The following ZNG1B variants were observed in gnomAD, a reference collection of about 807,000 sequenced individuals.
ZNG1B encodes Zn regulated GTPase metalloprotein activator 1B.
At chr2:113,485,193 C>T in the ZNG1B span, among the ~76,000 whole-genome samples, 2 of 130,386 alleles carry the variant, frequency 1.5e-5, no homozygotes, top group Non-Finnish European at 1.6e-5. Context: ...TTTTTTTGAC[C>T]GGAAGAAGTA....
chr2:113,440,126 C>T, the ZNG1B span, among the ~76,000 whole-genome samples: 1 of 151,526 alleles, frequency 6.6e-6, no homozygotes, highest in Non-Finnish European at 1.5e-5. Flanking sequence ...CCTCGTGATC[C>T]GCCCGCCTCG....
the ZNG1B span, chr2:113,495,115 A>G: frequency 6.9e-7 from 1 of 1,451,012 alleles, no homozygotes; most frequent in Non-Finnish European, 9.1e-7. Flanking sequence ...TTCTCCTTTG[A>G]GCAGGGATTG....
At chr2:113,448,059 G>A in the ZNG1B span, among the ~76,000 whole-genome samples, 2 of 152,168 alleles carry the variant, frequency 1.3e-5, no homozygotes, top group Non-Finnish European at 2.9e-5. Flanking sequence ...CTTTCCAGAA[G>A]GTTTTCAATT....
chr2:113,454,356 T>G, the ZNG1B span, among the ~76,000 whole-genome samples: 1 of 152,176 alleles, frequency 6.6e-6, no homozygotes, highest in African/African-American at 2.4e-5. Context: ...TGATTTTGAT[T>G]ATGTGAAAAT....
the ZNG1B span, chr2:113,444,992 T>G: frequency 6.2e-7 from 1 of 1,610,740 alleles, no homozygotes; most frequent in Non-Finnish European, 8.5e-7. Context: ...TATTGAGAAT[T>G]TGATGCAAAA....
At chr2:113,470,876 T>C in the ZNG1B span, 1 of 671,650 alleles carries the variant, frequency 1.5e-6, no homozygotes, top group Non-Finnish European at 2.5e-6. Context: ...CAAATAATTT[T>C]CAATCTTGAT....
At chr2:113,438,118 A>C in the ZNG1B span, 2 of 1,606,278 alleles carry the variant, frequency 1.2e-6, no homozygotes, top group Non-Finnish European at 1.7e-6. Context: ...TTGGGGCCTC[A>C]TGATCAAGAG....
At chr2:113,471,001 C>T in the ZNG1B span, 2 of 1,579,934 alleles carry the variant, frequency 1.3e-6, no homozygotes, top group Non-Finnish European at 1.7e-6. Context: ...CACAGAATTT[C>T]CAACTGCTCA....
chr2:113,490,648 T>G, the ZNG1B span, among the ~76,000 whole-genome samples: 1 of 152,030 alleles, frequency 6.6e-6, no homozygotes, highest in Non-Finnish European at 1.5e-5. Context: ...AAACGGGAGA[T>G]ATTACAACTG....
chr2:113,454,764 A>G, the ZNG1B span: 2 of 1,575,656 alleles, frequency 1.3e-6, no homozygotes, highest in Admixed American at 1.7e-5. Flanking sequence ...AGTGGATTCA[A>G]AATATGGATT....
the ZNG1B span, among the ~76,000 whole-genome samples, chr2:113,474,152 C>T: frequency 1.3e-5 from 2 of 151,978 alleles, no homozygotes; most frequent in African/African-American, 2.4e-5. Flanking sequence ...TTGATTATTG[C>T]CACAATTTCA....
At chr2:113,471,897 G>A in the ZNG1B span, among the ~76,000 whole-genome samples, 1 of 151,542 alleles carries the variant, frequency 6.6e-6, no homozygotes, top group African/African-American at 2.4e-5. Context: ...GGACATTTGG[G>A]TTGGTTCCAA....
the ZNG1B span, among the ~76,000 whole-genome samples, chr2:113,473,938 C>T: frequency 6.9e-6 from 1 of 145,094 alleles, no homozygotes; most frequent in Non-Finnish European, 1.5e-5. Context: ...GGATATTGGT[C>T]TAAAATTCTC....
chr2:113,471,781 T>C, the ZNG1B span, among the ~76,000 whole-genome samples: 2 of 151,994 alleles, frequency 1.3e-5, no homozygotes, highest in African/African-American at 4.8e-5. Context: ...TGATTTCCAA[T>C]TTCATCCATG....
At chr2:113,439,419 C>A in the ZNG1B span, among the ~76,000 whole-genome samples, 20 of 152,162 alleles carry the variant, frequency 1.3e-4, no homozygotes, top group Non-Finnish European at 2.2e-4. Flanking sequence ...TCGTCTGTTA[C>A]CATCCCCCCA....
At chr2:113,474,566 T>G in the ZNG1B span, among the ~76,000 whole-genome samples, 1 of 147,342 alleles carries the variant, frequency 6.8e-6, no homozygotes, top group Non-Finnish European at 1.5e-5. Context: ...TTCTAGTTCT[T>G]TTAATTGTGA....
chr2:113,471,475 T>TA, the ZNG1B span, among the ~76,000 whole-genome samples: 16 of 150,438 alleles, frequency 1.1e-4, no homozygotes, highest in African/African-American at 3.7e-4. Flanking sequence ...AGTTTTTTTT[T>TA]AATTTATTTA....
chr2:113,472,231 C>T, the ZNG1B span, among the ~76,000 whole-genome samples: 1 of 151,964 alleles, frequency 6.6e-6, no homozygotes, highest in African/African-American at 2.4e-5. Flanking sequence ...TCTCTGATGG[C>T]CAGTGATGGT....
At chr2:113,477,750 G>A in the ZNG1B span, among the ~76,000 whole-genome samples, 4 of 152,194 alleles carry the variant, frequency 2.6e-5, no homozygotes, top group African/African-American at 9.7e-5. Flanking sequence ...GCATGAGGAT[G>A]TGCAGCAGAT....
Sources: gnomAD v4.1 joint callset for allele counts (sites outside exome capture counted in the v4.1 genomes callset) on GRCh38, gnomAD v4.1.1 for gene constraint, MANE v1.5 for transcripts, NCBI Gene and HGNC (gene_info 2026-07-23, HGNC 2026-07-21) for gene names.